Variants in AXIN1 observed in about 807,000 individuals in gnomAD.
AXIN1 encodes axin 1, also known as axin-1.
In AXIN1, 30 loss-of-function variants were observed where a neutral mutation model predicts 76.4. That is an observed-to-expected ratio of 0.39 (90% CI 0.29 to 0.53). The LOEUF (loss-of-function observed/expected upper bound fraction) is 0.53, where lower values mean the gene tolerates loss of function less well. AXIN1 is among the 20% of genes least tolerant of loss of function. The pLI is 0.66. For missense variants in AXIN1, 1,140 were observed against 1,198.8 expected, an observed-to-expected ratio of 0.95 and a Z score of 0.72; for synonymous variants, 545 against 501.4, an observed-to-expected ratio of 1.09 and a Z score of -1.16.
intron 9 of AXIN1, chr16:289,818 C>A: frequency 1.5e-6 from 1 of 646,282 alleles, no homozygotes; most frequent in African/African-American, 1.8e-5. Flanking sequence ...TCACTGGGAG[C>A]ACGAAGGTCT....
At position 293,041 on chromosome 16, in the gene AXIN1, A is replaced by G. The variant is rs2052612544; in HGVS notation, c.2186+447T>C. On this transcript the variant is annotated intron_variant, in intron 8 of 10. Transcript: ENST00000262320. The surrounding 1 kb of genome is among the most constrained non-coding windows in gnomAD (Gnocchi z 4.6). ...CTACATCTGCACGGCTTTCAGAACC[A>G]CGTAGCTTTCCGACCGTGCAGAGCC... 5.1e-6 allele frequency: 1 copy of G among 197,352 alleles called. No individual in the cohort carries two copies. Among genetic ancestry groups the G allele is most frequent in the South Asian group, 1.1e-4 (1 of 9,480 alleles). The allele number at this position is 197,352 out of a possible 1,614,324, so 12.2% of individuals were successfully genotyped here. A position where few individuals can be genotyped will look rare whatever the true frequency, so the allele number is the denominator to read the frequency against.
Position 288,302 on chromosome 16 carries a change from G to A in AXIN1, c.2463-54C>T, listed in dbSNP as rs1467539286. The A allele has an allele frequency of 3.7e-6, 6 of 1,611,600 alleles. No individual in the cohort carries two copies. The South Asian group carries it at 4.4e-5, about 12-fold the overall frequency. ...AGCAGGCAGCACCGCAGATGGGAAGGAGGCCTGTGGCAGGGGACGGCGTGT... is the reference window on the plus strand; with the variant it reads ...AGCAGGCAGCACCGCAGATGGGAAGAAGGCCTGTGGCAGGGGACGGCGTGT... On this transcript the variant is annotated intron_variant, in intron 10 of 10. Transcript: ENST00000262320.
At chr16:302,831 C>T (rs910819757) in intron 5 of AXIN1, among the ~76,000 whole-genome samples, 2 of 152,194 alleles carry the variant, frequency 1.3e-5, no homozygotes, top group African/African-American at 2.4e-5. Flanking sequence ...CCCCCCGACT[C>T]GATGGTGCCC....
At chr16:346,088 G>T (rs2141699444) in intron 2 of AXIN1, 60 bp downstream of exon 2, 1 of 1,562,586 alleles carries the variant, frequency 6.4e-7, no homozygotes, top group Admixed American at 1.7e-5. Context: ...ACCTTTCCCT[G>T]GCTTGTTCTC....
chr16:350,310 A>G (rs1302436733), intron 1 of AXIN1, among the ~76,000 whole-genome samples: 1 of 152,220 alleles, frequency 6.6e-6, no homozygotes, highest in South Asian at 2.1e-4. Flanking sequence ...TGTACACACA[A>G]GTACACACCA....
chr16:316,069 A>G (rs1567282758), intron 2 of AXIN1, among the ~76,000 whole-genome samples: 1 of 151,990 alleles, frequency 6.6e-6, no homozygotes, highest in Non-Finnish European at 1.5e-5. Context: ...AAAATAAATA[A>G]ATCAATCAGA....
rs1057438129 is a variant in AXIN1 at position 346,726 on chromosome 16, G to C, written c.300C>G (p.Ser100Arg). 1.3e-6 allele frequency: 2 copies of C among 1,592,778 alleles called. No individual in the cohort carries two copies. Among genetic ancestry groups the C allele is most frequent in the Non-Finnish European group, 1.7e-6 (2 of 1,167,230 alleles). ...HSLLDDQDGISLFRTFLKQEG... is the reference protein window; with the variant it reads ...HSLLDDQDGIRLFRTFLKQEG... ...CCTGCTTCAGGAAAGTCCTGAACAG[G>C]CTTATCCCATCTTGGTCATCCAGCA... is the stretch of plus-strand genomic sequence containing the variant. Residue 100 changes from serine (S) to arginine (R), a missense_variant, in exon 2 of 11, where the codon AGC becomes AGG. This residue lies in a region of AXIN1 where 708 missense variants were observed against 776.9 expected (regional missense o/e 0.91). Transcript: ENST00000262320.
Position 288,079 on chromosome 16 carries a change from C to T in AXIN1, c.*43G>A, listed in dbSNP as rs201064489. On this transcript the variant is annotated 3_prime_UTR_variant, in exon 11 of 11. Transcript: ENST00000262320. ...TCTGCCTGGCCGTGACACCCGTGCC[C>T]GCCAAGGGCCTCGCCTGGCACAGCG... 726 of 1,612,298 alleles carry T rather than the reference C, an allele frequency of 4.5e-4. 1 individual carries two copies. Among genetic ancestry groups the T allele is most frequent in the Non-Finnish European group, 5.4e-4 (642 of 1,179,954 alleles).
chr16:293,475 G>A lies in AXIN1; in HGVS notation c.2186+13C>T, dbSNP rs769810166. 73 of 1,605,766 alleles carry A rather than the reference G, an allele frequency of 4.5e-5. No homozygotes were observed. The highest frequency in any genetic ancestry group is 5.9e-5 in the Non-Finnish European group (70 of 1,178,632). ...ACCCCCAAGACCCACCCCACCCCAC[G>A]ACGCGGCCGTACCTCTGCTTGGAGG... On this transcript the variant is annotated intron_variant, in intron 8 of 10. Transcript: ENST00000262320. The surrounding 1 kb of genome is among the most constrained non-coding windows in gnomAD (Gnocchi z 4.6).
chr16:342,848 G>A (rs1289559486), intron 2 of AXIN1, among the ~76,000 whole-genome samples: 28 of 152,256 alleles, frequency 1.8e-4, no homozygotes, highest in Admixed American at 1.6e-3. Flanking sequence ...AAAGGTGCCA[G>A]GCCCTAAGGC....
At chr16:312,112 G>A (rs2053197242) in intron 3 of AXIN1, among the ~76,000 whole-genome samples, 1 of 152,190 alleles carries the variant, frequency 6.6e-6, no homozygotes, top group East Asian at 1.9e-4. Context: ...CATGATACTT[G>A]GATTGGGTAA....
At chr16:345,513 G>A (rs768326779) in intron 2 of AXIN1, among the ~76,000 whole-genome samples, 1 of 152,200 alleles carries the variant, frequency 6.6e-6, no homozygotes, top group Admixed American at 6.5e-5. Flanking sequence ...TCGGGAGTTC[G>A]AGACCAGCCT....
chr16:289,419 C>G (rs2052488652), intron 10 of AXIN1, 21 bp downstream of exon 10: 2 of 1,612,432 alleles, frequency 1.2e-6, no homozygotes, highest in East Asian at 4.5e-5. Context: ...GGGGAGGGGG[C>G]ACCCCAGCCC....
chr16:342,393 G>A (rs185910221), intron 2 of AXIN1, among the ~76,000 whole-genome samples: 41 of 152,274 alleles, frequency 2.7e-4, no homozygotes, highest in East Asian at 7.7e-4. Context: ...CGGACACACC[G>A]GGACGACTAA....
chr16:299,323 AAG>A, intron 5 of AXIN1: 2 of 799,196 alleles, frequency 2.5e-6, no homozygotes, highest in Admixed American at 6.2e-5. Context: ...ATACAAAAGA[AAG>A]AGAGGGAACT....
chr16:291,316 C>T lies in AXIN1; in HGVS notation c.2187-19G>A. The T allele has an allele frequency of 1.3e-6, 2 of 1,557,408 alleles. No homozygotes were observed. Among genetic ancestry groups the T allele is most frequent in the Non-Finnish European group, 1.7e-6 (2 of 1,150,560 alleles). ...CACATACCTAGGGAACAACCCGCGT[C>T]AAAGGTGGCTGTGCCGGCGGCCACC... On this transcript the variant is annotated intron_variant, in intron 8 of 10. Transcript: ENST00000262320.
At chr16:341,265 G>A (rs998318860) in intron 2 of AXIN1, among the ~76,000 whole-genome samples, 10 of 152,262 alleles carry the variant, frequency 6.6e-5, no homozygotes, top group Non-Finnish European at 1.2e-4. Context: ...GAGGTGTGGA[G>A]GGAGAGGCGC....
chr16:345,575 G>A (rs974112527), intron 2 of AXIN1, among the ~76,000 whole-genome samples: 5 of 152,158 alleles, frequency 3.3e-5, no homozygotes, highest in Non-Finnish European at 5.9e-5. Context: ...TTAGCCGGGC[G>A]TGGTGGCACA....
At chr16:295,280 A>AT (rs1430972190) in intron 7 of AXIN1, among the ~76,000 whole-genome samples, 8 of 150,532 alleles carry the variant, frequency 5.3e-5, no homozygotes, top group Non-Finnish European at 7.4e-5. Flanking sequence ...AATTTTTTGT[A>AT]TTTTTTTTAG....
Sources: gnomAD v4.1 joint callset for allele counts (sites outside exome capture counted in the v4.1 genomes callset) on GRCh38, gnomAD v4.1.1 for gene constraint, gnomAD v4.1.1 regional missense constraint, Gnocchi (gnomAD v3.1) non-coding constraint, MANE v1.5 for transcripts, NCBI Gene and HGNC (gene_info 2026-07-23, HGNC 2026-07-21) for gene names.